Variants in CADM2 observed in about 807,000 individuals in gnomAD.
CADM2 encodes cell adhesion molecule 2.
In CADM2, 12 loss-of-function variants were observed where a neutral mutation model predicts 49.8. The observed-to-expected ratio is 0.24, with a 90% CI of 0.15 to 0.39. The LOEUF is 0.39. Among genes scored for constraint, CADM2 ranks in the 10% least tolerant of loss-of-function variants. The pLI, the probability that CADM2 is intolerant of heterozygous loss-of-function variation, is 1.00. For synonymous variants in CADM2, 214 were observed against 175.4 expected (o/e 1.22, Z -1.74); for missense variants, 378 against 492.3 (o/e 0.77, Z 2.20).
chr3:85,574,346 T>C (rs1252553274), intron 1 of CADM2, among the ~76,000 whole-genome samples: 1 of 152,218 alleles, frequency 6.6e-6, no homozygotes, highest in African/African-American at 2.4e-5. Context: ...TAGCAAAAAA[T>C]TGGCTTCCAG....
intron 1 of CADM2, among the ~76,000 whole-genome samples, chr3:85,106,461 T>C (rs1433942880): frequency 6.6e-6 from 1 of 152,122 alleles, no homozygotes; most frequent in Admixed American, 6.6e-5. Flanking sequence ...TCCCAGTACA[T>C]AGTTTTAAAG....
intron 1 of CADM2, among the ~76,000 whole-genome samples, chr3:85,117,185 C>T (rs1168060516): frequency 1.3e-5 from 2 of 151,794 alleles, no homozygotes; most frequent in Non-Finnish European, 2.9e-5. Context: ...TGTGCCACTG[C>T]ACTTCAGCCC....
chr3:85,343,659 G>GT (rs2030204666), intron 1 of CADM2, among the ~76,000 whole-genome samples: 1 of 152,192 alleles, frequency 6.6e-6, no homozygotes. Flanking sequence ...TTTGAATAGT[G>GT]TAAGAAACAC....
intron 1 of CADM2, among the ~76,000 whole-genome samples, chr3:85,530,434 CA>C (rs376830009): frequency 0.51 from 76,745 of 149,406 alleles, 22,625 homozygotes; most frequent in East Asian, 0.85. Context: ...GGGTTCACGC[CA>C]TTCTCCTGCC....
chr3:84,980,837 T>C (rs556733078), intron 1 of CADM2, among the ~76,000 whole-genome samples: 22 of 152,170 alleles, frequency 1.4e-4, no homozygotes, highest in Non-Finnish European at 2.6e-4. Flanking sequence ...ATCTAAAATC[T>C]ATGGAAACTC....
chr3:85,726,485 T>A (rs1559616647), intron 1 of CADM2, 37 bp from the exon 2 acceptor site: 3 of 1,610,080 alleles, frequency 1.9e-6, no homozygotes, highest in Non-Finnish European at 2.5e-6. Context: ...ATCTAATATG[T>A]TTGTTCTCTT....
chr3:85,413,723 C>G (rs1198310027), intron 1 of CADM2, among the ~76,000 whole-genome samples: 1 of 152,162 alleles, frequency 6.6e-6, no homozygotes, highest in Non-Finnish European at 1.5e-5. Context: ...GATCCAATCA[C>G]CTTCCACCAA....
At chr3:85,936,711 C>T (rs7614073) in intron 7 of CADM2, among the ~76,000 whole-genome samples, 100,440 of 151,486 alleles carry the variant, frequency 0.66, 33,996 homozygotes, top group African/African-American at 0.8. Context: ...TCTCCAATAA[C>T]ATTTATATTA....
chr3:85,099,428 C>G (rs2037927719), intron 1 of CADM2, among the ~76,000 whole-genome samples: 1 of 151,754 alleles, frequency 6.6e-6, no homozygotes. Flanking sequence ...TATAAGTTCT[C>G]CCTTAGTTGC....
intron 8 of CADM2, among the ~76,000 whole-genome samples, chr3:86,056,445 ATC>A (rs1252535921): frequency 6.6e-6 from 1 of 152,256 alleles, no homozygotes; most frequent in Non-Finnish European, 1.5e-5. Flanking sequence ...CAAACAGGGT[ATC>A]TTTTTCAAGG....
chr3:85,833,460 A>G (rs2074270374), intron 3 of CADM2, among the ~76,000 whole-genome samples: 2 of 151,664 alleles, frequency 1.3e-5, no homozygotes, highest in South Asian at 4.1e-4. Context: ...CATCTGATCC[A>G]GGGCTCTTTT....
At position 85,322,291 on chromosome 3, in the gene CADM2, T is replaced by G. The variant is rs1046185617; in HGVS notation, c.61+362623T>G. 2.4e-4 allele frequency among the ~76,000 whole-genome samples: 36 copies of G among 152,220 alleles called. 1 individual carries two copies. Among genetic ancestry groups the G allele is most frequent in the African/African-American group, 8.7e-4 (36 of 41,454 alleles). ...GTTTACGGTAGCATGTCCTATTCTA[T>G]TTTCCTCAAGATGTCATTTTAGGTG... On this transcript the variant is annotated intron_variant, in intron 1 of 9. Transcript: ENST00000383699.
At chr3:85,266,443 G>T (rs751399971) in intron 1 of CADM2, among the ~76,000 whole-genome samples, 1 of 151,680 alleles carries the variant, frequency 6.6e-6, no homozygotes, top group African/African-American at 2.4e-5. Flanking sequence ...AGGTAAAAAG[G>T]TTGTTTTTAT....
intron 8 of CADM2, among the ~76,000 whole-genome samples, chr3:85,968,254 C>T (rs1013460614): frequency 9.2e-5 from 14 of 151,536 alleles, no homozygotes; most frequent in African/African-American, 2.9e-4. Context: ...AAAGGTGTAC[C>T]TCTGACTGGA....
At chr3:85,944,877 C>G (rs1212749593) in intron 7 of CADM2, among the ~76,000 whole-genome samples, 1 of 151,872 alleles carries the variant, frequency 6.6e-6, no homozygotes, top group Non-Finnish European at 1.5e-5. Flanking sequence ...ACTAGAGAAG[C>G]AAGAGCAAAC....
intron 8 of CADM2, among the ~76,000 whole-genome samples, chr3:86,007,286 A>G (rs1390910906): frequency 6.6e-6 from 1 of 152,166 alleles, no homozygotes; most frequent in Non-Finnish European, 1.5e-5. Flanking sequence ...TAAAATACAT[A>G]TAGTAAAAAT....
intron 1 of CADM2, among the ~76,000 whole-genome samples, chr3:85,643,768 T>A (rs551071248): frequency 4.6e-5 from 7 of 152,268 alleles, no homozygotes; most frequent in Non-Finnish European, 7.4e-5. Context: ...TCAAATATAA[T>A]CTGATATATA....
intron 6 of CADM2, among the ~76,000 whole-genome samples, chr3:85,928,733 C>T (rs1361812460): frequency 6.6e-6 from 1 of 152,038 alleles, no homozygotes; most frequent in Non-Finnish European, 1.5e-5. Flanking sequence ...TGAATATATG[C>T]CTATCTTTAC....
At chr3:85,164,587 A>G (rs1231748988) in intron 1 of CADM2, among the ~76,000 whole-genome samples, 5 of 152,052 alleles carry the variant, frequency 3.3e-5, no homozygotes, top group Non-Finnish European at 7.4e-5. Flanking sequence ...CCTAACAGAG[A>G]ATGTGTTAGG....
Sources: allele counts gnomAD v4.1 joint callset (sites outside exome capture counted in the v4.1 genomes callset), GRCh38; gene constraint gnomAD v4.1.1; transcripts MANE v1.5; gene names NCBI Gene and HGNC (gene_info 2026-07-23, HGNC 2026-07-21).